The following CLINT1 variants were observed in gnomAD, a reference collection of about 807,000 sequenced individuals.
The protein encoded by CLINT1 is clathrin interacting protein localized in the trans-Golgi region.
Under a neutral mutation model 70.4 loss-of-function variants are expected in CLINT1, and 15 were observed. That is an observed-to-expected ratio of 0.21 (90% confidence interval 0.14 to 0.33). The LOEUF (loss-of-function observed/expected upper bound fraction) is 0.33, where lower values mean the gene tolerates loss of function less well. Ranked by LOEUF, CLINT1 falls within the 10% of genes least tolerant of loss-of-function variation. The pLI, the probability that CLINT1 is intolerant of heterozygous loss-of-function variation, is 1.00. For missense variants in CLINT1, 615 were observed against 778.1 expected (o/e 0.79, Z 2.49); for synonymous variants, 227 against 254.7 (o/e 0.89, Z 1.04).
intron 8 of CLINT1, among the ~76,000 whole-genome samples, chr5:157,799,709 C>A (rs1762159231): frequency 6.6e-6 from 1 of 152,072 alleles, no homozygotes; most frequent in Non-Finnish European, 1.5e-5. Context: ...TCACACATTT[C>A]TCAATGACAG....
At chr5:157,815,161 A>G (rs1320191568) in intron 3 of CLINT1, among the ~76,000 whole-genome samples, 1 of 150,794 alleles carries the variant, frequency 6.6e-6, no homozygotes, top group African/African-American at 2.4e-5. Context: ...ATAGCTGGGT[A>G]TTGTGGCGCA....
intron 5 of CLINT1, among the ~76,000 whole-genome samples, 197 bp downstream of exon 5, chr5:157,812,866 A>G (rs866819106): frequency 2.6e-5 from 4 of 152,194 alleles, no homozygotes; most frequent in South Asian, 2.1e-4. Flanking sequence ...TTAAAATCCT[A>G]TTGCCGAACC....
chr5:157,817,382 A>G (rs1025620723), intron 2 of CLINT1, 61 bp downstream of exon 2: 43 of 1,059,014 alleles, frequency 4.1e-5, no homozygotes, highest in Admixed American at 4.4e-5. Context: ...AGCAAATTTC[A>G]TATTTCTGTG....
intron 1 of CLINT1, among the ~76,000 whole-genome samples, chr5:157,826,015 AAAT>A (rs1212809111): frequency 6.6e-6 from 1 of 152,172 alleles, no homozygotes; most frequent in Non-Finnish European, 1.5e-5. Flanking sequence ...TAAAATAGAT[AAAT>A]ATTATGGAAC....
chr5:157,811,996 T>C (rs951076206), intron 5 of CLINT1, among the ~76,000 whole-genome samples: 70 of 152,000 alleles, frequency 4.6e-4, no homozygotes, highest in African/African-American at 1.6e-3. Context: ...CCGACTCTGG[T>C]TGCACTGCCT....
rs943085865 is a variant in CLINT1 at position 157,791,937 on chromosome 5, T to A, written c.1146A>T (p.Pro382=). ...FGDWSAFNQA[P]SGPVASSGEF... is the part of the protein sequence containing the mutation. ...CGCCACTGGAAGCAACAGGGCCTGA[T>A]GGGGCTTGGTTGAAGGCACTCCAGT... Residue 382 remains proline, a synonymous_variant, in exon 10 of 12, where the codon CCA becomes CCT. Coordinates refer to ENST00000411809, the MANE Select transcript of CLINT1 (RefSeq NM_014666.4). 1 of 1,614,022 alleles carries A rather than the reference T, an allele frequency of 6.2e-7. No homozygotes were observed. Among genetic ancestry groups the A allele is most frequent in the East Asian group, 2.2e-5 (1 of 44,884 alleles).
At chr5:157,806,142 A>G (rs750023155) in intron 6 of CLINT1, 30 bp from the exon 7 acceptor site, 22 of 1,605,050 alleles carry the variant, frequency 1.4e-5, no homozygotes, top group Non-Finnish European at 1.9e-5. Flanking sequence ...AAGCAAAATA[A>G]TAAGACGGGA....
intron 1 of CLINT1, among the ~76,000 whole-genome samples, chr5:157,856,642 T>C (rs546708265): frequency 4.8e-4 from 73 of 152,310 alleles, no homozygotes; most frequent in African/African-American, 1.6e-3. Context: ...GGGGGAAGAA[T>C]TTCTTCTCTT....
intron 1 of CLINT1, among the ~76,000 whole-genome samples, chr5:157,852,244 T>C (rs1645171548): frequency 6.6e-6 from 1 of 152,246 alleles, no homozygotes; most frequent in Non-Finnish European, 1.5e-5. Context: ...TCCAAAGACT[T>C]TATTCCTCAA....
chr5:157,846,996 T>G (rs1753404859), intron 1 of CLINT1, among the ~76,000 whole-genome samples: 1 of 152,216 alleles, frequency 6.6e-6, no homozygotes. Flanking sequence ...GGAGCTCTGA[T>G]GGAGACGTAC....
Position 157,787,428 on chromosome 5 carries a change from G to GA in CLINT1, c.*217dup, listed in dbSNP as rs1761759326. ...ACCCACTTGTGGTCTATCCTCACTG[G>GA]AAAAAAATGATTTTGACTGCCTCAT... is the stretch of plus-strand genomic sequence containing the variant. On this transcript the variant is annotated 3_prime_UTR_variant, in exon 12 of 12. Coordinates refer to ENST00000411809, the MANE Select transcript of CLINT1 (RefSeq NM_014666.4). The GA allele has an allele frequency of 6.9e-6, 4 of 580,314 alleles. No individual in the cohort carries two copies. Among genetic ancestry groups the GA allele is most frequent in the Non-Finnish European group, 9.1e-6 (3 of 327,900 alleles). 35.9% of individuals were successfully genotyped at this position (580,314 alleles called of 1,614,324 possible). A position where few individuals can be genotyped will look rare whatever the true frequency, so the allele number is the denominator to read the frequency against.
chr5:157,807,726 A>G (rs1762428972), intron 6 of CLINT1, among the ~76,000 whole-genome samples: 1 of 152,118 alleles, frequency 6.6e-6, no homozygotes, highest in African/African-American at 2.4e-5. Flanking sequence ...GAGGCAACAT[A>G]AAAAATAAAA....
At chr5:157,828,565 T>C (rs144680683) in intron 1 of CLINT1, among the ~76,000 whole-genome samples, 7 of 152,274 alleles carry the variant, frequency 4.6e-5, no homozygotes, top group Non-Finnish European at 1.0e-4. Flanking sequence ...AGAGTGGTAA[T>C]AACTAGAGTG....
chr5:157,844,841 T>C (rs1753314517), intron 1 of CLINT1, among the ~76,000 whole-genome samples: 1 of 152,160 alleles, frequency 6.6e-6, no homozygotes, highest in Non-Finnish European at 1.5e-5. Flanking sequence ...AATGTAAAAA[T>C]ATTTTTTACA....
At chr5:157,836,239 A>C (rs1251596570) in intron 1 of CLINT1, among the ~76,000 whole-genome samples, 1 of 152,188 alleles carries the variant, frequency 6.6e-6, no homozygotes, top group Admixed American at 6.5e-5. Context: ...CAATTCATTT[A>C]ATCTTCCTAA....
At chr5:157,854,817 C>T (rs1051814522) in intron 1 of CLINT1, among the ~76,000 whole-genome samples, 1 of 152,024 alleles carries the variant, frequency 6.6e-6, no homozygotes, top group African/African-American at 2.4e-5. Context: ...GCCTTAGGAC[C>T]TTAGCCAGAG....
rs190563310 is a variant in CLINT1, at chr5:157,817,775, G to C, written c.42-228C>G. Reference sequence around the variant, plus strand: ...CATTAGCCTTCAAGAATACAGATGAGAGATTACATTAGAGCTGGCATTAAG... The same window carrying C: ...CATTAGCCTTCAAGAATACAGATGACAGATTACATTAGAGCTGGCATTAAG... On this transcript the variant is annotated intron_variant, in intron 1 of 11. Coordinates refer to ENST00000411809, the MANE Select transcript of CLINT1 (RefSeq NM_014666.4). Among the ~76,000 whole-genome samples the C allele has an allele frequency of 8.5e-5, 13 of 152,212 alleles. No homozygotes were observed. In the East Asian group the frequency reaches 2.3e-3, roughly 27 times the overall value.
chr5:157,811,244 G>A (rs1762546622), intron 5 of CLINT1, among the ~76,000 whole-genome samples: 1 of 152,138 alleles, frequency 6.6e-6, no homozygotes, highest in Non-Finnish European at 1.5e-5. Context: ...ATGTCAGAAT[G>A]AAAAAACACA....
At chr5:157,840,716 A>C (rs1753145870) in intron 1 of CLINT1, among the ~76,000 whole-genome samples, 1 of 151,590 alleles carries the variant, frequency 6.6e-6, no homozygotes, top group South Asian at 2.1e-4. Context: ...CTCATTGTTA[A>C]TTTTATGTGT....
Sources: allele counts gnomAD v4.1 joint callset (sites outside exome capture counted in the v4.1 genomes callset), GRCh38; gene constraint gnomAD v4.1.1; transcripts MANE v1.5; gene names NCBI Gene and HGNC (gene_info 2026-07-23, HGNC 2026-07-21).